The following PDSS2 variants were observed in gnomAD, a reference collection of about 807,000 sequenced individuals.
PDSS2 encodes all trans-polyprenyl-diphosphate synthase PDSS2.
Under a neutral mutation model 44.5 loss-of-function variants are expected in PDSS2, and 31 were observed. The ratio of observed to expected loss-of-function variants is 0.70; its 90% CI spans 0.52 to 0.94. The LOEUF (loss-of-function observed/expected upper bound fraction) is 0.94. Among genes scored for constraint, PDSS2 ranks in the 40% least tolerant of loss-of-function variants. The pLI is 0.00. For synonymous variants in PDSS2, 157 were observed against 180.3 expected (o/e 0.87, Z 1.03); for missense variants, 452 against 482.2 (o/e 0.94, Z 0.59).
intron 1 of PDSS2, among the ~76,000 whole-genome samples, chr6:107,396,671 C>A (rs970554472): frequency 6.2e-4 from 62 of 99,392 alleles, no homozygotes; most frequent in Non-Finnish European, 1.0e-3. Context: ...TTTTCCTCTT[C>A]TTTTTTCTTT....
chr6:107,254,717 G>A (rs773506030), intron 3 of PDSS2, among the ~76,000 whole-genome samples: 1 of 152,104 alleles, frequency 6.6e-6, no homozygotes, highest in Non-Finnish European at 1.5e-5. Flanking sequence ...TGTGGCTGAT[G>A]AGCTCCATTT....
chr6:107,264,630 C>CT (rs1188840164), intron 3 of PDSS2: 1 of 616,948 alleles, frequency 1.6e-6, no homozygotes, highest in African/African-American at 1.8e-5. Context: ...TCCACACAGT[C>CT]TTATTTGCAC....
rs932317577 is a variant in PDSS2 at position 107,363,498 on chromosome 6, C to A, written c.297-29166G>T. On this transcript the variant is annotated intron_variant, in intron 1 of 7. Coordinates refer to ENST00000369037, the MANE Select transcript of PDSS2 (RefSeq NM_020381.4). The stretch of plus-strand genomic sequence containing the variant: ...GGCAGCACGTCTGGAGTTGTTCGTT[C>A]CATCCCGGTGGGCTCGTGGTCTCGC... Among the ~76,000 whole-genome samples the A allele has an allele frequency of 2.0e-5, 3 of 151,896 alleles. No homozygotes were observed. In the South Asian group the frequency reaches 6.3e-4, roughly 32 times the overall value.
Position 107,429,574 on chromosome 6 carries a change from C to T in PDSS2, c.296+29416G>A, listed in dbSNP as rs527688511. On this transcript the variant is annotated intron_variant, in intron 1 of 7. Coordinates refer to ENST00000369037, the MANE Select transcript of PDSS2 (RefSeq NM_020381.4). Reference sequence around the variant, plus strand: ...CAGCAGTGGGTACATAAACACATAGCGGCCATGAAGAAGAATATACTAAAC... The same window carrying T: ...CAGCAGTGGGTACATAAACACATAGTGGCCATGAAGAAGAATATACTAAAC... 1.8e-4 allele frequency among the ~76,000 whole-genome samples: 28 copies of T among 151,954 alleles called. No homozygotes were observed. The South Asian group carries it at 4.2e-3, about 23-fold the overall frequency.
intron 1 of PDSS2, among the ~76,000 whole-genome samples, chr6:107,425,220 A>G (rs1780957312): frequency 6.6e-6 from 1 of 152,158 alleles, no homozygotes; most frequent in South Asian, 2.1e-4. Context: ...CATACAGTAA[A>G]TTGGTACCAG....
intron 4 of PDSS2, among the ~76,000 whole-genome samples, chr6:107,212,720 A>G (rs974926831): frequency 6.6e-6 from 1 of 152,062 alleles, no homozygotes; most frequent in Admixed American, 6.5e-5. Context: ...AAATAGAAAA[A>G]TAAGGCTGGG....
At chr6:107,399,652 A>G (rs1331642453) in intron 1 of PDSS2, among the ~76,000 whole-genome samples, 1 of 152,188 alleles carries the variant, frequency 6.6e-6, no homozygotes, top group Non-Finnish European at 1.5e-5. Flanking sequence ...TTATTCTGAG[A>G]TAATTCCTAC....
intron 7 of PDSS2, among the ~76,000 whole-genome samples, chr6:107,159,021 G>A (rs72937762): frequency 0.12 from 17,650 of 152,118 alleles, 1,182 homozygotes; most frequent in South Asian, 0.23. Context: ...GAGCCACTGC[G>A]CCCGGCCTTA....
intron 1 of PDSS2, among the ~76,000 whole-genome samples, chr6:107,430,545 C>T (rs1781163048): frequency 6.6e-6 from 1 of 151,906 alleles, no homozygotes; most frequent in Non-Finnish European, 1.5e-5. Context: ...CATGGTGGCT[C>T]ACATCTGTAA....
At chr6:107,195,756 C>T (rs1421948884) in intron 6 of PDSS2, among the ~76,000 whole-genome samples, 5 of 152,098 alleles carry the variant, frequency 3.3e-5, no homozygotes, top group Non-Finnish European at 7.3e-5. Flanking sequence ...GACAAGGTAT[C>T]GCCATGTTGG....
At chr6:107,263,667 C>A (rs1231997701) in intron 3 of PDSS2, among the ~76,000 whole-genome samples, 2 of 152,052 alleles carry the variant, frequency 1.3e-5, no homozygotes, top group South Asian at 4.1e-4. Context: ...ATTTAAAATT[C>A]GTCTTATTTC....
chr6:107,403,035 C>A (rs749679675), intron 1 of PDSS2, among the ~76,000 whole-genome samples: 1 of 152,094 alleles, frequency 6.6e-6, no homozygotes, highest in African/African-American at 2.4e-5. Flanking sequence ...AACCAAAAGT[C>A]GAAGTCCAAA....
chr6:107,324,357 T>C (rs1017032707), intron 2 of PDSS2, among the ~76,000 whole-genome samples: 4 of 152,206 alleles, frequency 2.6e-5, no homozygotes, highest in African/African-American at 9.6e-5. Context: ...TAAATTCAAT[T>C]ATTCTGCATA....
At position 107,412,216 on chromosome 6, in the gene PDSS2, T is replaced by G. The variant is rs116945734; in HGVS notation, c.296+46774A>C. Reference sequence around the variant, plus strand: ...GTACTTCTTTTTCTGTCAAACTATCTGTTCATGTCCTTTGCTCTTTTTTTT... The same window carrying G: ...GTACTTCTTTTTCTGTCAAACTATCGGTTCATGTCCTTTGCTCTTTTTTTT... On this transcript the variant is annotated intron_variant, in intron 1 of 7. Coordinates refer to ENST00000369037, the MANE Select transcript of PDSS2 (RefSeq NM_020381.4). 7.8e-3 allele frequency among the ~76,000 whole-genome samples: 1,167 copies of G among 148,820 alleles called. 46 individuals are homozygous for G. The East Asian group carries it at 0.11, about 14-fold the overall frequency.
chr6:107,324,366 T>C (rs1777473993), intron 2 of PDSS2, among the ~76,000 whole-genome samples: 1 of 152,210 alleles, frequency 6.6e-6, no homozygotes. Context: ...TTATTCTGCA[T>C]AATCATTTAA....
intron 3 of PDSS2, among the ~76,000 whole-genome samples, chr6:107,261,455 T>C (rs1482849612): frequency 2.3e-4 from 35 of 152,192 alleles, no homozygotes. Context: ...GTAAGCTTCC[T>C]AAGGCCTTCC....
intron 1 of PDSS2, among the ~76,000 whole-genome samples, chr6:107,452,728 G>A (rs12209814): frequency 0.027 from 4,121 of 151,322 alleles, 84 homozygotes; most frequent in East Asian, 0.053. Context: ...TTGCTGTGGC[G>A]CAATCTCGGC....
chr6:107,262,543 C>T (rs1036100806), intron 3 of PDSS2, among the ~76,000 whole-genome samples: 4 of 151,842 alleles, frequency 2.6e-5, no homozygotes, highest in Admixed American at 1.3e-4. Flanking sequence ...AGGCTTGAGG[C>T]GGGCAGATCA....
rs531826661 is a variant in PDSS2 at position 107,362,590 on chromosome 6, G to A, written c.297-28258C>T. Among the ~76,000 whole-genome samples the A allele has an allele frequency of 5.3e-5, 8 of 152,282 alleles. No homozygotes were observed. In the East Asian group the frequency reaches 1.3e-3, roughly 26 times the overall value. ...CAGAAGGGAAAAGTGAGAAACTAGAGTTGCTACAATATATTGTCTAAAATA... is the reference window on the plus strand; with the variant it reads ...CAGAAGGGAAAAGTGAGAAACTAGAATTGCTACAATATATTGTCTAAAATA... On this transcript the variant is annotated intron_variant, in intron 1 of 7. Coordinates refer to ENST00000369037, the MANE Select transcript of PDSS2 (RefSeq NM_020381.4).
Sources: gnomAD v4.1 joint callset for allele counts (sites outside exome capture counted in the v4.1 genomes callset) on GRCh38, gnomAD v4.1.1 for gene constraint, MANE v1.5 for transcripts, NCBI Gene and HGNC (gene_info 2026-07-23, HGNC 2026-07-21) for gene names.